Variants in RUNX2 observed in about 807,000 individuals in gnomAD.
RUNX2 encodes RUNX family transcription factor 2, also known as runt-related transcription factor 2.
A neutral mutation model predicts 51.7 loss-of-function variants in RUNX2; 10 were observed. The ratio of observed to expected loss-of-function variants is 0.19; its 90% CI spans 0.12 to 0.33. RUNX2 has a LOEUF of 0.33. Among genes scored for constraint, RUNX2 ranks in the 10% least tolerant of loss-of-function variants. The pLI, the probability that RUNX2 is intolerant of heterozygous loss-of-function variation, is 1.00. For synonymous variants in RUNX2, 276 were observed against 273.6 expected, an observed-to-expected ratio of 1.01 and a Z score of -0.09; for missense variants, 562 against 691.3, an observed-to-expected ratio of 0.81 and a Z score of 2.10.
intron 2 of RUNX2, among the ~76,000 whole-genome samples, chr6:45,404,614 C>T (rs1011581842): frequency 5.3e-4 from 80 of 152,282 alleles, no homozygotes; most frequent in African/African-American, 1.8e-3. Flanking sequence ...ATTTACAGTT[C>T]TCAAGGTGCC....
At chr6:45,452,472 C>A (rs1018832199) in intron 5 of RUNX2, among the ~76,000 whole-genome samples, 11 of 152,188 alleles carry the variant, frequency 7.2e-5, no homozygotes, top group African/African-American at 2.7e-4. Context: ...TCAGGGTTAA[C>A]TTTTCTTGGA....
chr6:45,386,136 C>T (rs1217352218), intron 2 of RUNX2, among the ~76,000 whole-genome samples: 1 of 149,590 alleles, frequency 6.7e-6, no homozygotes, highest in Admixed American at 6.7e-5. Flanking sequence ...GGAACAATCT[C>T]GGCTCACTGC....
intron 7 of RUNX2, among the ~76,000 whole-genome samples, chr6:45,535,603 C>CAA (rs36036147): frequency 7.4e-6 from 1 of 135,214 alleles, no homozygotes; most frequent in East Asian, 2.3e-4. Flanking sequence ...GACTCTGTCT[C>CAA]AAAAAAAAAA....
chr6:45,550,925 G>A lies in RUNX2; in HGVS notation c.*3620G>A, dbSNP rs960871609. On this transcript the variant is annotated 3_prime_UTR_variant, in exon 9 of 9. Transcript: ENST00000647337. ...GTAAAAATTCCGCTTTGTGCCACAG[G>A]TCATGATTGTGGATGAGTTTACTCT... The A allele has an allele frequency of 6.6e-6, 1 of 152,628 alleles. No individual in the cohort carries two copies. The highest frequency in any genetic ancestry group is 2.4e-5 in the African/African-American group (1 of 41,446). The allele number at this position is 152,628 out of a possible 1,614,324, so 9.5% of individuals were successfully genotyped here.
chr6:45,547,170 G>T lies in RUNX2; in HGVS notation c.1431G>T (p.Ser477=). 6.2e-7 allele frequency: 1 copy of T among 1,614,090 alleles called. No individual in the cohort carries two copies. The highest frequency in any genetic ancestry group is 8.5e-7 in the Non-Finnish European group (1 of 1,180,012). The change falls in exon 9 of 9, where the codon TCG becomes TCT. Residue 477 remains serine (S), a synonymous_variant. Transcript: ENST00000647337. ...TGCTTCCGCCATGCACCACCACCTC[G>T]AATGGCAGCACGCTATTAAATCCAA... ...SRMLPPCTTT[S]NGSTLLNPNL...
At chr6:45,507,058 T>C (rs1019570336) in intron 6 of RUNX2, among the ~76,000 whole-genome samples, 7 of 151,904 alleles carry the variant, frequency 4.6e-5, no homozygotes, top group Non-Finnish European at 8.8e-5. Flanking sequence ...GGTGACACTC[T>C]GGCTGACCTA....
At chr6:45,359,440 A>G (rs1011544648) in intron 2 of RUNX2, among the ~76,000 whole-genome samples, 2 of 152,152 alleles carry the variant, frequency 1.3e-5, no homozygotes, top group Non-Finnish European at 2.9e-5. Flanking sequence ...AAAATATCCC[A>G]AACAGATGCA....
At chr6:45,361,139 T>G (rs757324221) in intron 2 of RUNX2, among the ~76,000 whole-genome samples, 1 of 152,292 alleles carries the variant, frequency 6.6e-6, no homozygotes, top group Non-Finnish European at 1.5e-5. Context: ...ATGCAAAAAT[T>G]GCAGAACTGT....
chr6:45,429,378 C>T (rs1798473930), intron 3 of RUNX2, among the ~76,000 whole-genome samples: 2 of 152,216 alleles, frequency 1.3e-5, no homozygotes, highest in African/African-American at 2.4e-5. Flanking sequence ...TGAATCCTGG[C>T]GAATGTAGTC....
At chr6:45,399,940 A>G (rs1797670325) in intron 2 of RUNX2, among the ~76,000 whole-genome samples, 1 of 148,158 alleles carries the variant, frequency 6.7e-6, no homozygotes, top group South Asian at 2.2e-4. Flanking sequence ...CATTTTCTTT[A>G]GAAAGATGAA....
At chr6:45,392,231 A>G (rs1054449742) in intron 2 of RUNX2, among the ~76,000 whole-genome samples, 3 of 152,230 alleles carry the variant, frequency 2.0e-5, no homozygotes, top group African/African-American at 7.2e-5. Flanking sequence ...TAGGCTGGGC[A>G]TATTGGCTCA....
At chr6:45,374,740 C>G (rs1326435746) in intron 2 of RUNX2, among the ~76,000 whole-genome samples, 1 of 152,124 alleles carries the variant, frequency 6.6e-6, no homozygotes, top group Non-Finnish European at 1.5e-5. Flanking sequence ...GTCACCCCCA[C>G]CAAAAGATGA....
intron 5 of RUNX2, among the ~76,000 whole-genome samples, chr6:45,459,725 A>G (rs967469872): frequency 2.6e-5 from 4 of 152,228 alleles, no homozygotes; most frequent in African/African-American, 7.2e-5. Context: ...ATGAATATAT[A>G]TAATATGCAA....
Position 45,382,809 on chromosome 6 carries a change from A to G in RUNX2, c.59-39784A>G, listed in dbSNP as rs375682734. 4.4e-4 allele frequency among the ~76,000 whole-genome samples: 67 copies of G among 152,310 alleles called. 2 individuals are homozygous for G. The highest frequency in any genetic ancestry group is 4.2e-3 in the East Asian group (22 of 5,188). ...AATAGTCTGTAGAGTGACAGGTCCT[A>G]TTGCAGTAACCCAGGCAAAAGATGA... On this transcript the variant is annotated intron_variant, in intron 2 of 8. Coordinates refer to ENST00000647337, the MANE Select transcript of RUNX2 (RefSeq NM_001024630.4).
In RUNX2 at chr6:45,422,681, A is replaced by ACAGCAGCAGCAACAGCAG; in HGVS notation, c.156_173dup (p.Gln66_Gln71dup). ...ACGTGAGCCCGGTGGTGGCTGCGCAACAGCAGCAGCAACAGCAGCAGCAGC... is the reference window on the plus strand; with the variant it reads ...ACGTGAGCCCGGTGGTGGCTGCGCAACAGCAGCAGCAACAGCAGCAGCAGCAGCAACAGCAGCAGCAGC... On this transcript the variant is annotated inframe_insertion, in exon 3 of 9. Transcript: ENST00000647337. 6.2e-7 allele frequency: 1 copy of ACAGCAGCAGCAACAGCAG among 1,602,462 alleles called. No homozygotes were observed. The highest frequency in any genetic ancestry group is 8.5e-7 in the Non-Finnish European group (1 of 1,175,282).
intron 5 of RUNX2, among the ~76,000 whole-genome samples, chr6:45,482,153 C>T (rs1025270371): frequency 5.3e-5 from 8 of 152,210 alleles, no homozygotes; most frequent in African/African-American, 1.9e-4. Context: ...AAAAGTATTA[C>T]TTCTCATCTT....
chr6:45,451,433 C>T (rs1477730401), intron 5 of RUNX2, among the ~76,000 whole-genome samples: 1 of 152,090 alleles, frequency 6.6e-6, no homozygotes, highest in Non-Finnish European at 1.5e-5. Context: ...AGAAGCAATC[C>T]CGAAGGTGAT....
Position 45,522,733 on chromosome 6 carries a change from G to A in RUNX2, c.1021+10326G>A, listed in dbSNP as rs532947434. Among the ~76,000 whole-genome samples the A allele has an allele frequency of 2.6e-5, 4 of 152,278 alleles. No individual in the cohort carries two copies. The South Asian group carries it at 6.2e-4, about 24-fold the overall frequency. On this transcript the variant is annotated intron_variant, in intron 7 of 8. Coordinates refer to ENST00000647337, the MANE Select transcript of RUNX2 (RefSeq NM_001024630.4). ...CCTTTCTATCTCTAACTCCTACTCC[G>A]ATGCTCAGCATGCATAATGTCGTGG...
chr6:45,519,788 ATATGTGTGTGTGTGTGTG>A (rs747342747), intron 7 of RUNX2, among the ~76,000 whole-genome samples: 12 of 118,848 alleles, frequency 1.0e-4, no homozygotes, highest in Non-Finnish European at 1.4e-4. Flanking sequence ...ATATATATAT[ATATGTGTGTGTGTGTGTG>A]TGTGTGTGTG....
Sources: gnomAD v4.1 joint callset for allele counts (sites outside exome capture counted in the v4.1 genomes callset) on GRCh38, gnomAD v4.1.1 for gene constraint, MANE v1.5 for transcripts, NCBI Gene and HGNC (gene_info 2026-07-23, HGNC 2026-07-21) for gene names.